Variants in ELMO1 observed in about 807,000 individuals in gnomAD.
The protein encoded by ELMO1 is engulfment and cell motility 1.
In ELMO1, 26 loss-of-function variants were observed where a neutral mutation model predicts 98.9. That is an observed-to-expected ratio of 0.26 (90% CI 0.19 to 0.36). The LOEUF (loss-of-function observed/expected upper bound fraction) is 0.36, where lower values mean the gene tolerates loss of function less well. ELMO1 is among the 10% of genes least tolerant of loss of function. The probability of loss-of-function intolerance (pLI) is 1.00; values close to 1 mark genes in which losing one functional copy is unlikely to be tolerated. For missense variants in ELMO1, 627 were observed against 935.2 expected, an observed-to-expected ratio of 0.67 and a Z score of 4.30; for synonymous variants, 346 against 346.0, an observed-to-expected ratio of 1.00 and a Z score of 0.00.
At chr7:37,269,532 C>T (rs1796448257) in intron 5 of ELMO1, 1 of 151,458 alleles carries the variant, frequency 6.6e-6, no homozygotes, top group Non-Finnish European at 1.5e-5. Flanking sequence ...AGCTCCACCT[C>T]CTGGGTTCAC....
intron 4 of ELMO1, among the ~76,000 whole-genome samples, chr7:37,294,422 T>C (rs890306680): frequency 6.6e-6 from 1 of 151,554 alleles, no homozygotes; most frequent in Admixed American, 6.6e-5. Flanking sequence ...TTAGCCAGGC[T>C]ATGCAAACAA....
At chr7:37,264,489 T>C (rs1796145164) in intron 5 of ELMO1, among the ~76,000 whole-genome samples, 1 of 152,140 alleles carries the variant, frequency 6.6e-6, no homozygotes, top group African/African-American at 2.4e-5. Flanking sequence ...CATAATGAAT[T>C]TGCACCATTT....
intron 13 of ELMO1, among the ~76,000 whole-genome samples, chr7:37,190,550 T>A (rs540169612): frequency 1.3e-5 from 2 of 152,174 alleles, no homozygotes; most frequent in African/African-American, 4.8e-5. Flanking sequence ...CAGGCTAGAG[T>A]GCCATAGCGT....
intron 13 of ELMO1, among the ~76,000 whole-genome samples, chr7:37,169,813 CGAG>C: frequency 6.6e-6 from 1 of 152,246 alleles, no homozygotes; most frequent in East Asian, 1.9e-4. Context: ...TTTTGGCTTA[CGAG>C]CACAGTGAAC....
chr7:37,241,161 T>A (rs965516249), intron 7 of ELMO1, among the ~76,000 whole-genome samples: 1 of 152,116 alleles, frequency 6.6e-6, no homozygotes, highest in African/African-American at 2.4e-5. Context: ...TAATTTTAAA[T>A]GTGCATACAC....
intron 4 of ELMO1, among the ~76,000 whole-genome samples, chr7:37,274,347 T>C (rs1415418394): frequency 6.6e-6 from 1 of 152,124 alleles, no homozygotes; most frequent in Non-Finnish European, 1.5e-5. Flanking sequence ...GAACTAAAAA[T>C]CCTTTATATT....
chr7:37,106,149 G>T (rs1274313734), intron 14 of ELMO1, among the ~76,000 whole-genome samples: 2 of 152,208 alleles, frequency 1.3e-5, no homozygotes, highest in African/African-American at 4.8e-5. Context: ...GCATTTTACA[G>T]ATGAGGAAGC....
intron 1 of ELMO1, among the ~76,000 whole-genome samples, chr7:37,402,381 G>C (rs1803573164): frequency 6.6e-6 from 1 of 152,128 alleles, no homozygotes; most frequent in African/African-American, 2.4e-5. Flanking sequence ...TAAAACATCA[G>C]AGAAAATCTG....
At chr7:37,128,895 A>G (rs1232728411) in intron 14 of ELMO1, among the ~76,000 whole-genome samples, 1 of 152,166 alleles carries the variant, frequency 6.6e-6, no homozygotes, top group Non-Finnish European at 1.5e-5. Flanking sequence ...TAGAAAGTAA[A>G]TACATTTAAG....
intron 16 of ELMO1, among the ~76,000 whole-genome samples, chr7:36,900,057 T>C (rs1584336717): frequency 1.3e-5 from 2 of 152,242 alleles, no homozygotes; most frequent in Non-Finnish European, 2.9e-5. Flanking sequence ...GGCCACTTGG[T>C]AGGAATGCAA....
At chr7:37,419,202 C>A (rs1804364099) in intron 1 of ELMO1, among the ~76,000 whole-genome samples, 2 of 152,004 alleles carry the variant, frequency 1.3e-5, no homozygotes, top group Non-Finnish European at 2.9e-5. Flanking sequence ...CGGAGAAAAC[C>A]CAAAATAATA....
rs142606801 is a variant in ELMO1 at position 37,222,607 on chromosome 7, C to G, written c.780+8G>C. ...ACATAGCCATAAGACTAAAGAAATGCAACTTACCTGCCTCCTCTCATCAGG... is the reference window on the plus strand; with the variant it reads ...ACATAGCCATAAGACTAAAGAAATGGAACTTACCTGCCTCCTCTCATCAGG... On this transcript the variant is annotated splice_region_variant and intron_variant, in intron 10 of 21. Transcript: ENST00000310758. 4.6e-4 allele frequency: 735 copies of G among 1,613,654 alleles called. 4 individuals are homozygous for G. The African/African-American group carries it at 9.1e-3, about 20-fold the overall frequency.
intron 1 of ELMO1, among the ~76,000 whole-genome samples, chr7:37,346,282 A>G (rs1352410144): frequency 6.6e-6 from 1 of 152,190 alleles, no homozygotes; most frequent in African/African-American, 2.4e-5. Context: ...GTAAATCAGC[A>G]CAGCTTTCCA....
At chr7:37,116,986 C>G (rs922148038) in intron 14 of ELMO1, 1 of 212,886 alleles carries the variant, frequency 4.7e-6, no homozygotes, top group Non-Finnish European at 1.0e-5. Context: ...AGAGGCATCT[C>G]CATCAAGTTG....
intron 14 of ELMO1, among the ~76,000 whole-genome samples, chr7:37,101,319 C>T (rs558224324): frequency 1.3e-5 from 2 of 152,238 alleles, no homozygotes; most frequent in East Asian, 1.9e-4. Flanking sequence ...GTGTGAAGAA[C>T]GAACAAGGAC....
At chr7:37,416,947 G>A (rs10231696) in intron 1 of ELMO1, among the ~76,000 whole-genome samples, 25,497 of 152,204 alleles carry the variant, frequency 0.17, 2,315 homozygotes, top group South Asian at 0.26. Flanking sequence ...CACTTCCTCA[G>A]TTTCTCCACA....
intron 16 of ELMO1, among the ~76,000 whole-genome samples, chr7:36,935,650 C>T (rs185571996): frequency 3.3e-5 from 5 of 152,214 alleles, no homozygotes; most frequent in Admixed American, 2.0e-4. Flanking sequence ...ACCACAACAG[C>T]GTTTTTCATT....
intron 16 of ELMO1, among the ~76,000 whole-genome samples, chr7:37,012,160 G>A (rs1389349373): frequency 6.6e-6 from 1 of 152,214 alleles, no homozygotes; most frequent in Non-Finnish European, 1.5e-5. Context: ...TGAGATCACT[G>A]TGCTGAGGAA....
rs528714480 is a variant in ELMO1, at chr7:37,196,161, G to T, written c.1086+15225C>A. ...TCAATAAGCTGAGAATGGAGACAAG[G>T]CCTCTTGGATTTACCTGAATTGAAT... is the stretch of plus-strand genomic sequence containing the variant. On this transcript the variant is annotated intron_variant, in intron 13 of 21. Coordinates refer to ENST00000310758, the MANE Select transcript of ELMO1 (RefSeq NM_014800.11). Among the ~76,000 whole-genome samples the T allele has an allele frequency of 7.2e-5, 11 of 152,172 alleles. No individual in the cohort carries two copies. The South Asian group carries it at 2.1e-3, about 29-fold the overall frequency.
Sources: allele counts gnomAD v4.1 joint callset (sites outside exome capture counted in the v4.1 genomes callset), GRCh38; gene constraint gnomAD v4.1.1; transcripts MANE v1.5; gene names NCBI Gene and HGNC (gene_info 2026-07-23, HGNC 2026-07-21).